RYR2: variants seen among roughly 807,000 people sequenced by gnomAD.
The protein encoded by RYR2 is cardiac muscle ryanodine receptor-calcium release channel.
Under a neutral mutation model 601.1 loss-of-function variants are expected in RYR2, and 227 were observed. The observed-to-expected ratio is 0.38, with a 90% CI of 0.34 to 0.42. The LOEUF is 0.42. Among genes scored for constraint, RYR2 ranks in the 10% least tolerant of loss-of-function variants. The pLI, the probability that RYR2 is intolerant of heterozygous loss-of-function variation, is 1.00. For missense variants in RYR2, 4,646 were observed against 6,156.5 expected, an observed-to-expected ratio of 0.75 and a Z score of 8.21; for synonymous variants, 2,223 against 2,175.1, an observed-to-expected ratio of 1.02 and a Z score of -0.61.
chr1:237,594,903 T>TGTTTTTTG (rs1573019604), intron 33 of RYR2, among the ~76,000 whole-genome samples: 7 of 31,504 alleles, frequency 2.2e-4, no homozygotes, highest in African/African-American at 4.0e-4. Flanking sequence ...TTTTTTTTTT[T>TGTTTTTTG]TTTTTTTTTT....
intron 7 of RYR2, 24 bp from the exon 8 acceptor site, chr1:237,377,299 T>C (rs770041527): frequency 6.5e-7 from 1 of 1,541,898 alleles, no homozygotes; most frequent in Non-Finnish European, 8.8e-7. Context: ...CTTTTTCATG[T>C]TTCACATATC....
chr1:237,567,716 TA>T (rs1672240121), intron 28 of RYR2, among the ~76,000 whole-genome samples: 1 of 152,084 alleles, frequency 6.6e-6, no homozygotes, highest in African/African-American at 2.4e-5. Context: ...TTTTATTTTT[TA>T]AGTGAATTTA....
At chr1:237,823,048 C>G (rs909188667) in intron 101 of RYR2, among the ~76,000 whole-genome samples, 1 of 152,068 alleles carries the variant, frequency 6.6e-6, no homozygotes, top group Non-Finnish European at 1.5e-5. Context: ...TTCTTAGAGA[C>G]CTACAAAGAG....
intron 66 of RYR2, among the ~76,000 whole-genome samples, chr1:237,703,015 G>A (rs1188121250): frequency 6.6e-6 from 1 of 151,720 alleles, no homozygotes; most frequent in Non-Finnish European, 1.5e-5. Context: ...ATAATTTATT[G>A]ATATGTGACT....
At chr1:237,362,281 C>T (rs890978613) in intron 4 of RYR2, among the ~76,000 whole-genome samples, 2 of 152,186 alleles carry the variant, frequency 1.3e-5, no homozygotes, top group Non-Finnish European at 1.5e-5. Context: ...ATGCTGCGTG[C>T]CTGTCCTATA....
intron 1 of RYR2, among the ~76,000 whole-genome samples, chr1:237,161,281 A>G (rs938277270): frequency 1.3e-5 from 2 of 152,290 alleles, no homozygotes; most frequent in Non-Finnish European, 2.9e-5. Flanking sequence ...CCAAAGATTT[A>G]AATAACTTTC....
intron 80 of RYR2, among the ~76,000 whole-genome samples, chr1:237,750,367 T>A (rs1232032797): frequency 6.6e-6 from 1 of 151,992 alleles, no homozygotes; most frequent in East Asian, 1.9e-4. Context: ...GTCAGAATAT[T>A]TGACTCCAAG....
At chr1:237,825,373 T>C (rs1662974779) in intron 101 of RYR2, among the ~76,000 whole-genome samples, 1 of 152,230 alleles carries the variant, frequency 6.6e-6, no homozygotes, top group Non-Finnish European at 1.5e-5. Context: ...CATCTACAAC[T>C]ATCTGATCTT....
At chr1:237,089,156 A>G (rs925354658) in intron 1 of RYR2, among the ~76,000 whole-genome samples, 25 of 152,348 alleles carry the variant, frequency 1.6e-4, no homozygotes, top group African/African-American at 5.8e-4. Context: ...CATCCATTTC[A>G]TCTGCCTCCA....
At chr1:237,414,631 C>T (rs1200906645) in intron 10 of RYR2, among the ~76,000 whole-genome samples, 2 of 152,086 alleles carry the variant, frequency 1.3e-5, no homozygotes, top group South Asian at 2.1e-4. Flanking sequence ...TCAAATCAGC[C>T]GTTGGCATGT....
At chr1:237,123,650 A>ACT (rs1228380756) in intron 1 of RYR2, among the ~76,000 whole-genome samples, 8 of 78,966 alleles carry the variant, frequency 1.0e-4, no homozygotes, top group African/African-American at 3.5e-4. Flanking sequence ...ATCAGTCACT[A>ACT]TTTTTTTTTT....
At chr1:237,510,910 G>T (rs1391489325) in intron 23 of RYR2, among the ~76,000 whole-genome samples, 1 of 152,202 alleles carries the variant, frequency 6.6e-6, no homozygotes, top group African/African-American at 2.4e-5. Context: ...ACCTGCATAT[G>T]ATGCTAATGG....
intron 3 of RYR2, chr1:237,352,953 A>C (rs1373212592): frequency 2.3e-6 from 1 of 439,022 alleles, no homozygotes; most frequent in African/African-American, 2.0e-5. Context: ...TTTCATGGGA[A>C]AGGCAAAATA....
chr1:237,449,653 A>G (rs540350799), intron 14 of RYR2, among the ~76,000 whole-genome samples: 34 of 151,802 alleles, frequency 2.2e-4, no homozygotes, highest in Non-Finnish European at 4.4e-4. Context: ...TTATCATGCA[A>G]GTCTGCTGGA....
rs142825522 is a variant in RYR2 at position 237,809,056 on chromosome 1, C to G, written c.14433+21C>G. ...TAACAGTAAGTTCATAACCTTTGAT[C>G]TCACATAAACAAAAATGTCTCCTGC... On this transcript the variant is annotated intron_variant, in intron 100 of 104. Coordinates refer to ENST00000366574, the MANE Select transcript of RYR2 (RefSeq NM_001035.3). The G allele has an allele frequency of 3.8e-4, 605 of 1,603,048 alleles. 3 individuals are homozygous for G. The African/African-American group carries it at 6.8e-3, about 18-fold the overall frequency.
chr1:237,142,265 T>G (rs1334959381), intron 1 of RYR2, among the ~76,000 whole-genome samples: 1 of 152,136 alleles, frequency 6.6e-6, no homozygotes, highest in Non-Finnish European at 1.5e-5. Flanking sequence ...TGCTGAAGAG[T>G]TTGCCAGGAG....
chr1:237,556,017 A>C (rs185938780), intron 27 of RYR2, among the ~76,000 whole-genome samples: 49 of 152,244 alleles, frequency 3.2e-4, no homozygotes, highest in African/African-American at 8.2e-4. Flanking sequence ...AGATAACTTT[A>C]CTCCAGAATG....
chr1:237,709,425 T>C, intron 69 of RYR2, 55 bp from the exon 70 acceptor site: 1 of 1,142,972 alleles, frequency 8.7e-7, no homozygotes, highest in Non-Finnish European at 1.3e-6. Context: ...TTTTTTTTTT[T>C]TAAATTAACT....
At chr1:237,417,191 T>C in intron 11 of RYR2, 68 bp downstream of exon 11, 1 of 1,225,130 alleles carries the variant, frequency 8.2e-7, no homozygotes, top group South Asian at 1.3e-5. Flanking sequence ...TGTGCTTCTG[T>C]GTCAGCCTGT....
Sources: gnomAD v4.1 joint callset for allele counts (sites outside exome capture counted in the v4.1 genomes callset) on GRCh38, gnomAD v4.1.1 for gene constraint, MANE v1.5 for transcripts, NCBI Gene and HGNC (gene_info 2026-07-23, HGNC 2026-07-21) for gene names.